The following RABGAP1L variants were observed in gnomAD, a reference collection of about 807,000 sequenced individuals.
RABGAP1L encodes the protein rab GTPase-activating protein 1-like.
In RABGAP1L, 63 loss-of-function variants were observed where a neutral mutation model predicts 137.7. The observed-to-expected ratio is 0.46, with a 90% CI of 0.37 to 0.56. The LOEUF (loss-of-function observed/expected upper bound fraction) is 0.56, where lower values mean the gene tolerates loss of function less well. Ranked by LOEUF, RABGAP1L falls within the 20% of genes least tolerant of loss-of-function variation. The pLI is 0.00. For missense variants in RABGAP1L, 1,095 were observed against 1,244.0 expected (o/e 0.88, Z 1.80); for synonymous variants, 431 against 433.7 (o/e 0.99, Z 0.08).
rs879628366 is a variant in RABGAP1L, at chr1:174,850,114, C to A, written c.2340+38154C>A. ...GGCTTCATCTTGTTGATTTCCCATT[C>A]CTCTCAGTTCTCTAGGTTGAAATTC... On this transcript the variant is annotated intron_variant, in intron 19 of 25. Transcript: ENST00000681986. 16 of 493,710 alleles carry A rather than the reference C, an allele frequency of 3.2e-5. No homozygotes were observed. In the Admixed American group the frequency reaches 3.3e-4, roughly 10 times the overall value. 30.6% of individuals were successfully genotyped at this position (493,710 alleles called of 1,614,324 possible).
intron 21 of RABGAP1L, among the ~76,000 whole-genome samples, chr1:174,974,250 A>G (rs1449199208): frequency 6.6e-6 from 1 of 151,910 alleles, no homozygotes; most frequent in East Asian, 1.9e-4. Flanking sequence ...TCGGCCTCCC[A>G]GGGTGCTGGG....
chr1:174,571,092 AAAG>A (rs1667946044), intron 13 of RABGAP1L, among the ~76,000 whole-genome samples: 1 of 152,214 alleles, frequency 6.6e-6, no homozygotes, highest in African/African-American at 2.4e-5. Flanking sequence ...CCAGACATAA[AAAG>A]AAGGAGATCC....
chr1:174,346,810 C>T (rs1480805731), intron 11 of RABGAP1L, among the ~76,000 whole-genome samples: 1 of 151,376 alleles, frequency 6.6e-6, no homozygotes, highest in Non-Finnish European at 1.5e-5. Flanking sequence ...TAAGTTGCAT[C>T]GTTAGGTTGT....
intron 23 of RABGAP1L, among the ~76,000 whole-genome samples, chr1:174,981,441 G>T (rs556967050): frequency 6.6e-6 from 1 of 150,492 alleles, no homozygotes; most frequent in Admixed American, 6.6e-5. Context: ...AGCTATTTTT[G>T]AGTAGACTGG....
chr1:174,971,861 C>T (rs1200267619), intron 21 of RABGAP1L, among the ~76,000 whole-genome samples: 1 of 152,124 alleles, frequency 6.6e-6, no homozygotes, highest in Admixed American at 6.5e-5. Context: ...AAACTTTAAA[C>T]AAATATAAAA....
intron 11 of RABGAP1L, among the ~76,000 whole-genome samples, chr1:174,316,172 G>A (rs1679361520): frequency 6.6e-6 from 1 of 152,092 alleles, no homozygotes. Flanking sequence ...TGATTTTTCT[G>A]AACACAGTTA....
chr1:174,175,588 T>G (rs1315594390), intron 1 of RABGAP1L, among the ~76,000 whole-genome samples: 1 of 150,278 alleles, frequency 6.7e-6, no homozygotes, highest in Non-Finnish European at 1.5e-5. Flanking sequence ...ACCTCCTGAA[T>G]AGGGACTACA....
At chr1:174,981,185 T>C (rs1414112694) in intron 23 of RABGAP1L, among the ~76,000 whole-genome samples, 1 of 152,234 alleles carries the variant, frequency 6.6e-6, no homozygotes, top group Non-Finnish European at 1.5e-5. Context: ...CAGACCCATC[T>C]GTTTGAAGAT....
chr1:174,347,495 G>T (rs200435329), intron 11 of RABGAP1L, among the ~76,000 whole-genome samples: 9,765 of 96,222 alleles, frequency 0.1, 423 homozygotes, highest in Admixed American at 0.13. Context: ...GTGTGTGTGT[G>T]TGTGTTTTTT....
intron 19 of RABGAP1L, among the ~76,000 whole-genome samples, chr1:174,923,263 T>C (rs777719251): frequency 3.3e-5 from 5 of 152,180 alleles, no homozygotes; most frequent in Non-Finnish European, 7.3e-5. Context: ...ATGTTAGTCA[T>C]TATTATCATT....
chr1:174,910,240 A>G (rs1238775032), intron 19 of RABGAP1L, among the ~76,000 whole-genome samples: 3 of 152,250 alleles, frequency 2.0e-5, no homozygotes, highest in African/African-American at 7.2e-5. Context: ...ATGCAAATAA[A>G]TAAGTGTGGT....
Position 174,830,623 on chromosome 1 carries a change from T to C in RABGAP1L, c.2340+18663T>C, listed in dbSNP as rs1692017125. Among the ~76,000 whole-genome samples, 2 of 147,046 alleles carry C rather than the reference T, an allele frequency of 1.4e-5. 1 individual carries two copies. Among genetic ancestry groups the C allele is most frequent in the African/African-American group, 5.0e-5 (2 of 40,224 alleles). On this transcript the variant is annotated intron_variant, in intron 19 of 25. Transcript: ENST00000681986. ...TCCCAACTAGCTGGGACTACAGGCA[T>C]GTGCCACCATGCCTGGCCAATTTTT... is the stretch of plus-strand genomic sequence containing the variant.
chr1:174,187,891 A>G (rs975370459), intron 1 of RABGAP1L, among the ~76,000 whole-genome samples: 3 of 152,194 alleles, frequency 2.0e-5, no homozygotes, highest in Non-Finnish European at 2.9e-5. Flanking sequence ...CCTGAAGTAT[A>G]GAAACAGAAC....
intron 13 of RABGAP1L, among the ~76,000 whole-genome samples, chr1:174,524,207 G>GT (rs943176714): frequency 4.0e-5 from 6 of 149,760 alleles, no homozygotes; most frequent in African/African-American, 4.9e-5. Flanking sequence ...TGTTGTTGTT[G>GT]TTTTTTTAAG....
At chr1:174,289,893 C>G (rs934719871) in intron 10 of RABGAP1L, among the ~76,000 whole-genome samples, 10 of 152,150 alleles carry the variant, frequency 6.6e-5, no homozygotes, top group Admixed American at 2.0e-4. Flanking sequence ...TGGCTGGGCT[C>G]TACAGCTGGA....
At chr1:174,432,051 G>A (rs935460496) in intron 13 of RABGAP1L, among the ~76,000 whole-genome samples, 1 of 152,108 alleles carries the variant, frequency 6.6e-6, no homozygotes, top group African/African-American at 2.4e-5. Flanking sequence ...GGGTATGGTT[G>A]ATCCCTTCAC....
intron 18 of RABGAP1L, among the ~76,000 whole-genome samples, chr1:174,810,238 G>C (rs1178273673): frequency 6.6e-6 from 1 of 152,200 alleles, no homozygotes; most frequent in Non-Finnish European, 1.5e-5. Context: ...TCTTGTTGCT[G>C]TGGATGTAGC....
At chr1:174,289,474 A>G (rs760358255) in intron 10 of RABGAP1L, among the ~76,000 whole-genome samples, 4 of 152,176 alleles carry the variant, frequency 2.6e-5, no homozygotes, top group East Asian at 1.9e-4. Flanking sequence ...TGTTAGTTAC[A>G]TATCTTCATT....
chr1:174,530,417 A>G (rs1333275160), intron 13 of RABGAP1L, among the ~76,000 whole-genome samples: 2 of 152,078 alleles, frequency 1.3e-5, no homozygotes, highest in East Asian at 3.9e-4. Context: ...AGGACCCAGC[A>G]TGAGCTCTTT....
Sources: gnomAD v4.1 joint callset for allele counts (sites outside exome capture counted in the v4.1 genomes callset) on GRCh38, gnomAD v4.1.1 for gene constraint, MANE v1.5 for transcripts, NCBI Gene and HGNC (gene_info 2026-07-23, HGNC 2026-07-21) for gene names.